TLL1: variants seen among roughly 807,000 people sequenced by gnomAD.
TLL1 encodes tolloid-like protein 1.
In TLL1, 49 loss-of-function variants were observed where a neutral mutation model predicts 128.2. The ratio of observed to expected loss-of-function variants is 0.38; its 90% CI spans 0.30 to 0.48. The LOEUF is 0.48. Ranked by LOEUF, TLL1 falls within the 20% of genes least tolerant of loss-of-function variation. The probability of loss-of-function intolerance (pLI) is 0.96; values close to 1 mark genes in which losing one functional copy is unlikely to be tolerated. For missense variants in TLL1, 1,123 were observed against 1,242.0 expected, an observed-to-expected ratio of 0.90 and a Z score of 1.44; for synonymous variants, 454 against 418.8, an observed-to-expected ratio of 1.08 and a Z score of -1.03.
chr4:166,017,333 C>T (rs1737995325), intron 8 of TLL1, among the ~76,000 whole-genome samples: 1 of 152,038 alleles, frequency 6.6e-6, no homozygotes, highest in South Asian at 2.1e-4. Flanking sequence ...TTATTCAATC[C>T]ACCAGTGATG....
At chr4:165,902,981 T>G (rs917593049) in intron 1 of TLL1, among the ~76,000 whole-genome samples, 2 of 152,316 alleles carry the variant, frequency 1.3e-5, no homozygotes, top group Non-Finnish European at 2.9e-5. Context: ...AAATTATACT[T>G]CATCAAAATT....
intron 12 of TLL1, among the ~76,000 whole-genome samples, chr4:166,046,511 G>A (rs551571713): frequency 7.9e-5 from 12 of 152,254 alleles, no homozygotes; most frequent in African/African-American, 2.4e-4. Context: ...TCCTGATTTT[G>A]TTTGCAAATC....
chr4:166,092,949 A>C (rs1174808146), intron 19 of TLL1, among the ~76,000 whole-genome samples: 3 of 152,128 alleles, frequency 2.0e-5, no homozygotes, highest in Non-Finnish European at 4.4e-5. Context: ...ACAGCAGTAA[A>C]ACTCCATAAC....
At chr4:166,006,432 G>T (rs183335711) in intron 6 of TLL1, among the ~76,000 whole-genome samples, 1 of 151,736 alleles carries the variant, frequency 6.6e-6, no homozygotes, top group Non-Finnish European at 1.5e-5. Flanking sequence ...CTGAAGTTGC[G>T]TAATGTTCTA....
At chr4:165,901,303 TGGA>T (rs1267899786) in intron 1 of TLL1, among the ~76,000 whole-genome samples, 3 of 152,278 alleles carry the variant, frequency 2.0e-5, no homozygotes, top group Admixed American at 2.0e-4. Context: ...TGTGATCCTT[TGGA>T]GGAGGAGAAG....
At chr4:165,983,892 A>G (rs1736275294) in intron 1 of TLL1, among the ~76,000 whole-genome samples, 1 of 151,888 alleles carries the variant, frequency 6.6e-6, no homozygotes, top group Non-Finnish European at 1.5e-5. Flanking sequence ...CTTCCAATCC[A>G]GTGTGCGAGG....
chr4:166,071,633 CT>C (rs2111133062), intron 16 of TLL1, among the ~76,000 whole-genome samples: 1 of 152,010 alleles, frequency 6.6e-6, no homozygotes, highest in Non-Finnish European at 1.5e-5. Context: ...CTCCTTCTCC[CT>C]TTTCTCTTTC....
chr4:165,988,894 A>G (rs974511682), intron 1 of TLL1, among the ~76,000 whole-genome samples: 1 of 152,150 alleles, frequency 6.6e-6, no homozygotes, highest in Non-Finnish European at 1.5e-5. Context: ...AATTGCTACA[A>G]TAGCACTAGG....
chr4:166,060,079 G>C lies in TLL1; in HGVS notation c.1898G>C (p.Gly633Ala). ...CTTAACGGCACCATAACCACCCCTGGCTGGCCCAAGGAGTACCCTCCTAAT... is the reference window on the plus strand; with the variant it reads ...CTTAACGGCACCATAACCACCCCTGCCTGGCCCAAGGAGTACCCTCCTAAT... ...TKLNGTITTPGWPKEYPPNKN... is the reference protein window; with the variant it reads ...TKLNGTITTPAWPKEYPPNKN... Residue 633 changes from glycine (G) to alanine (A), a missense_variant, in exon 15 of 21, where the codon GGC becomes GCC. This residue lies in a region of TLL1 where 634 missense variants were observed against 672.4 expected (regional missense o/e 0.94). Transcript: ENST00000061240. 1 of 1,613,562 alleles carries C rather than the reference G, an allele frequency of 6.2e-7. No individual in the cohort carries two copies. Among genetic ancestry groups the C allele is most frequent in the Non-Finnish European group, 8.5e-7 (1 of 1,179,852 alleles).
intron 5 of TLL1, among the ~76,000 whole-genome samples, chr4:166,000,080 G>T (rs983826693): frequency 1.3e-5 from 2 of 152,146 alleles, no homozygotes; most frequent in Non-Finnish European, 2.9e-5. Context: ...CTTTTCTGTT[G>T]ATAGGGAAAG....
chr4:165,957,836 A>T (rs923080858), intron 1 of TLL1, among the ~76,000 whole-genome samples: 1 of 144,234 alleles, frequency 6.9e-6, no homozygotes, highest in African/African-American at 2.6e-5. Flanking sequence ...AGCATTAGGT[A>T]TATCTCCTAA....
At position 165,974,140 on chromosome 4, in the gene TLL1, T is replaced by TCTCTGCTATCAAGCTGTAGGAGATGACAG. The variant is rs1244075505; in HGVS notation, c.170-15241_170-15240insCTCTGCTATCAAGCTGTAGGAGATGACAG. Among the ~76,000 whole-genome samples the TCTCTGCTATCAAGCTGTAGGAGATGACAG allele has an allele frequency of 2.5e-4, 27 of 109,322 alleles. 1 individual carries two copies. The highest frequency in any genetic ancestry group is 1.3e-3 in the African/African-American group (26 of 20,720). 71.7% of individuals were successfully genotyped at this position (109,322 alleles called of 152,430 possible). ...TTAAGTCCTGGACCTCATCTTTTTT[T>TCTCTGCTATCAAGCTGTAGGAGATGACAG]TTTTTTTTTTTTTTTTTTGAGACGG... On this transcript the variant is annotated intron_variant, in intron 1 of 20. Coordinates refer to ENST00000061240, the MANE Select transcript of TLL1 (RefSeq NM_012464.5).
intron 1 of TLL1, among the ~76,000 whole-genome samples, chr4:165,929,965 T>C (rs533818824): frequency 1.3e-5 from 2 of 152,308 alleles, no homozygotes; most frequent in African/African-American, 2.4e-5. Flanking sequence ...TCTTTTTTTT[T>C]CCCACCAGAA....
intron 5 of TLL1, among the ~76,000 whole-genome samples, chr4:166,000,403 A>T (rs113560188): frequency 0.014 from 2,056 of 152,278 alleles, 44 homozygotes; most frequent in African/African-American, 0.047. Context: ...TCACAGGACC[A>T]TTGTAAAATA....
chr4:166,026,152 C>T (rs149470590), intron 9 of TLL1, among the ~76,000 whole-genome samples: 4,408 of 151,972 alleles, frequency 0.029, 76 homozygotes, highest in Middle Eastern at 0.052. Context: ...CTTTGGGAGG[C>T]CAAGGTGGGC....
chr4:165,900,800 A>G (rs982949806), intron 1 of TLL1, among the ~76,000 whole-genome samples: 22 of 151,938 alleles, frequency 1.4e-4, no homozygotes, highest in African/African-American at 5.3e-4. Flanking sequence ...CAGGTTGGGG[A>G]AGTTCTCCTG....
intron 8 of TLL1, among the ~76,000 whole-genome samples, chr4:166,022,411 T>G (rs1738287378): frequency 6.6e-6 from 1 of 152,100 alleles, no homozygotes; most frequent in South Asian, 2.1e-4. Context: ...GTGTTTTTAT[T>G]TTATTCAGCC....
chr4:165,964,898 C>T (rs1735294151), intron 1 of TLL1, among the ~76,000 whole-genome samples: 1 of 152,024 alleles, frequency 6.6e-6, no homozygotes, highest in South Asian at 2.1e-4. Context: ...GATCACACCA[C>T]TGCACTCCAG....
intron 1 of TLL1, among the ~76,000 whole-genome samples, chr4:165,923,530 G>A (rs529928075): frequency 2.9e-5 from 4 of 140,022 alleles, no homozygotes; most frequent in Admixed American, 7.8e-5. Context: ...CCGGGTTCAC[G>A]CCATTCTCCT....
Sources: gnomAD v4.1 joint callset for allele counts (sites outside exome capture counted in the v4.1 genomes callset) on GRCh38, gnomAD v4.1.1 for gene constraint, gnomAD v4.1.1 regional missense constraint, MANE v1.5 for transcripts, NCBI Gene and HGNC (gene_info 2026-07-23, HGNC 2026-07-21) for gene names.